The following ITGB5 variants were observed in gnomAD, a reference collection of about 807,000 sequenced individuals.
ITGB5 encodes integrin beta-5.
ITGB5 carries 38 observed loss-of-function variants against 84.8 expected under a neutral mutation model. The observed-to-expected ratio is 0.45, with a 90% confidence interval of 0.35 to 0.59. ITGB5 has a LOEUF of 0.59. ITGB5 is among the 20% of genes least tolerant of loss of function. The pLI, the probability that ITGB5 is intolerant of heterozygous loss-of-function variation, is 0.01. For synonymous variants in ITGB5, 393 were observed against 414.4 expected (o/e 0.95, Z 0.63); for missense variants, 905 against 1,034.5 (o/e 0.87, Z 1.72).
chr3:124,895,829 GC>G lies in ITGB5; in HGVS notation c.-255+5436del, dbSNP rs551995000. 4.6e-4 allele frequency among the ~76,000 whole-genome samples: 70 copies of G among 152,250 alleles called. No individual in the cohort carries two copies. In the East Asian group the frequency reaches 0.013, roughly 28 times the overall value. The stretch of plus-strand genomic sequence containing the variant: ...TGGTGGAGGAAAATGAGAAATCTGG[GC>G]CCAGGATCAGAAGAATTGAGTTCCA... On this transcript the variant is annotated intron_variant, in intron 1 of 4. Coordinates refer to the ITGB5 transcript ENST00000608657.
upstream of ITGB5, chr3:124,887,724 G>A (rs372284947): frequency 1.1e-5 from 5 of 452,258 alleles, no homozygotes; most frequent in African/African-American, 4.0e-5. Context: ...GCCAAAGGCG[G>A]TTGCTAGACT....
intron 1 of ITGB5, among the ~76,000 whole-genome samples, chr3:124,877,645 C>T (rs1934386577): frequency 6.6e-6 from 1 of 151,926 alleles, no homozygotes; most frequent in Non-Finnish European, 1.5e-5. Context: ...AACAAGGAGC[C>T]CTATCTACAA....
At chr3:124,824,368 C>T (rs2064752645) in intron 5 of ITGB5, among the ~76,000 whole-genome samples, 1 of 152,160 alleles carries the variant, frequency 6.6e-6, no homozygotes, top group Non-Finnish European at 1.5e-5. Flanking sequence ...TATGTCTCAT[C>T]ACACACAAAA....
intron 13 of ITGB5, among the ~76,000 whole-genome samples, chr3:124,765,273 T>C (rs565695593): frequency 7.0e-4 from 107 of 152,290 alleles, no homozygotes; most frequent in Admixed American, 1.4e-3. Context: ...GCAAAGGCTA[T>C]TGGTCCCTGG....
At chr3:124,833,032 T>C (rs372707086) in intron 5 of ITGB5, 1 of 152,214 alleles carries the variant, frequency 6.6e-6, no homozygotes, top group South Asian at 2.1e-4. Context: ...TAAAACAATA[T>C]ACACATTCTT....
chr3:124,848,114 C>T (rs1473164946), intron 4 of ITGB5, among the ~76,000 whole-genome samples, 195 bp downstream of exon 4: 4 of 152,156 alleles, frequency 2.6e-5, no homozygotes, highest in Non-Finnish European at 5.9e-5. Context: ...ATCTTTACAA[C>T]CTTGTGACAG....
intron 8 of ITGB5, among the ~76,000 whole-genome samples, chr3:124,811,632 G>C: frequency 6.6e-6 from 1 of 152,336 alleles, no homozygotes; most frequent in Middle Eastern, 3.4e-3. Flanking sequence ...TACTCTGTGA[G>C]TCAGCAACTA....
chr3:124,800,672 G>C (rs533288095), intron 9 of ITGB5, among the ~76,000 whole-genome samples: 1 of 150,376 alleles, frequency 6.6e-6, no homozygotes, highest in African/African-American at 2.4e-5. Flanking sequence ...TGCTGGGCAC[G>C]GGAAGTGCTA....
chr3:124,816,069 G>A (rs1357417136), intron 8 of ITGB5, among the ~76,000 whole-genome samples: 1 of 152,164 alleles, frequency 6.6e-6, no homozygotes, highest in Non-Finnish European at 1.5e-5. Flanking sequence ...CTGAATCTGT[G>A]AGAGCAAGAG....
chr3:124,819,838 G>C lies in ITGB5; in HGVS notation c.943-4C>G. 3.1e-6 allele frequency: 5 copies of C among 1,605,908 alleles called. No homozygotes were observed. The highest frequency in any genetic ancestry group is 4.3e-6 in the Non-Finnish European group (5 of 1,172,510). On this transcript the variant is annotated splice_polypyrimidine_tract_variant and splice_region_variant and intron_variant, in intron 6 of 14. Transcript: ENST00000296181. ...GCAAGGCAAGGGATGGATAGTCCTA[G>C]GGCCAAGGCAAAAGTCAAGGCTATG... is the stretch of plus-strand genomic sequence containing the variant.
Position 124,763,316 on chromosome 3 carries a change from C to A in ITGB5, c.*307G>T, listed in dbSNP as rs1398132271. On this transcript the variant is annotated 3_prime_UTR_variant, in exon 15 of 15. Coordinates refer to ENST00000296181, the MANE Select transcript of ITGB5 (RefSeq NM_002213.5). The stretch of plus-strand genomic sequence containing the variant: ...CAGCATTCCTGGAAGGGAGAGACAG[C>A]CCAGCATCTCAGTATTTCATTGGGA... 1 of 239,880 alleles carries A rather than the reference C, an allele frequency of 4.2e-6. No individual in the cohort carries two copies. The highest frequency in any genetic ancestry group is 8.2e-6 in the Non-Finnish European group (1 of 122,570). 14.9% of individuals were successfully genotyped at this position (239,880 alleles called of 1,614,324 possible). A position where few individuals can be genotyped will look rare whatever the true frequency, so the allele number is the denominator to read the frequency against.
In ITGB5 at chr3:124,763,582, T is replaced by C. The variant is rs1252871229; in HGVS notation, c.*41A>G. On this transcript the variant is annotated 3_prime_UTR_variant, in exon 15 of 15. Transcript: ENST00000296181. ...CGTGCAAGGCGTTTCAGTCTGACCT[T>C]TTCATCAGATCCCCGCTCCAGCCCC... 1.6e-5 allele frequency: 21 copies of C among 1,286,304 alleles called. 2 individuals carry two copies. In the Admixed American group the frequency reaches 3.0e-4, roughly 19 times the overall value. 79.7% of individuals were successfully genotyped at this position (1,286,304 alleles called of 1,614,324 possible).
chr3:124,873,470 TG>T lies in ITGB5; in HGVS notation c.131del (p.Pro44GlnfsTer23). ...CCTCTTTGGAGCACCAGGCACATTT[TG>T]GGTGGATTAGCAGACATTCTTCACA... ...TSCEECLLIH[P>X]KCAWCSKEDF... On this transcript the variant is annotated frameshift_variant, in exon 2 of 15. Coordinates refer to ENST00000296181, the MANE Select transcript of ITGB5 (RefSeq NM_002213.5). LOFTEE classifies it high-confidence loss of function. 1.9e-6 allele frequency: 3 copies of T among 1,613,790 alleles called. No homozygotes were observed. In the South Asian group the frequency reaches 3.3e-5, roughly 18 times the overall value.
At chr3:124,794,578 C>T (rs1245493130) in intron 10 of ITGB5, among the ~76,000 whole-genome samples, 2 of 151,698 alleles carry the variant, frequency 1.3e-5, no homozygotes, top group East Asian at 1.9e-4. Context: ...GTCAGGACTT[C>T]GAGACCAGCC....
chr3:124,790,495 T>C (rs34702162), intron 10 of ITGB5, among the ~76,000 whole-genome samples: 102 of 129,782 alleles, frequency 7.9e-4, no homozygotes, highest in East Asian at 1.5e-3. Flanking sequence ...AGAACCGCCT[T>C]TGACTAGACA....
chr3:124,842,663 G>A (rs1420989099), intron 4 of ITGB5, among the ~76,000 whole-genome samples: 1 of 152,210 alleles, frequency 6.6e-6, no homozygotes, highest in African/African-American at 2.4e-5. Flanking sequence ...GCTCTTTCAG[G>A]ATAAATGATG....
intron 5 of ITGB5, among the ~76,000 whole-genome samples, chr3:124,837,638 C>T (rs116411744): frequency 0.017 from 2,542 of 151,456 alleles, 77 homozygotes; most frequent in African/African-American, 0.057. Context: ...CTTCTTTTTG[C>T]AAAGAACATC....
At chr3:124,818,982 C>A (rs1392594306) in intron 7 of ITGB5, among the ~76,000 whole-genome samples, 1 of 152,122 alleles carries the variant, frequency 6.6e-6, no homozygotes, top group African/African-American at 2.4e-5. Flanking sequence ...ATCTCAGAGA[C>A]GAGTTTACAT....
At chr3:124,850,740 A>T (rs1004093000) in intron 3 of ITGB5, among the ~76,000 whole-genome samples, 1 of 152,036 alleles carries the variant, frequency 6.6e-6, no homozygotes, top group Non-Finnish European at 1.5e-5. Flanking sequence ...AGTCTGACTC[A>T]AACAGAGGAA....
Sources: gnomAD v4.1 joint callset for allele counts (sites outside exome capture counted in the v4.1 genomes callset) on GRCh38, gnomAD v4.1.1 for gene constraint, MANE v1.5 for transcripts, NCBI Gene and HGNC (gene_info 2026-07-23, HGNC 2026-07-21) for gene names.